Variants in GALC observed in about 807,000 individuals in gnomAD.
The protein encoded by GALC is galactosylceramidase.
GALC carries 77 observed loss-of-function variants against 91.8 expected under a neutral mutation model. The observed-to-expected ratio is 0.84, with a 90% confidence interval of 0.70 to 1.01. The LOEUF (loss-of-function observed/expected upper bound fraction) is 1.01, where lower values mean the gene tolerates loss of function less well. Ranked by LOEUF, GALC falls within the 50% of genes least tolerant of loss-of-function variation. The pLI is 0.00. For synonymous variants in GALC, 357 were observed against 306.7 expected, an observed-to-expected ratio of 1.16 and a Z score of -1.71; for missense variants, 882 against 855.9, an observed-to-expected ratio of 1.03 and a Z score of -0.38.
At chr14:87,953,199 G>T in intron 10 of GALC, 2 of 1,499,922 alleles carry the variant, frequency 1.3e-6, no homozygotes, top group Non-Finnish European at 1.8e-6. Flanking sequence ...ACCTTAAAAT[G>T]TCAACTGATA....
chr14:87,967,595 AG>A (rs1302115442), intron 8 of GALC, among the ~76,000 whole-genome samples: 1 of 152,214 alleles, frequency 6.6e-6, no homozygotes, highest in African/African-American at 2.4e-5. Flanking sequence ...AAAGCATTTA[AG>A]AAATGCTTCC....
intron 12 of GALC, 98 bp from the exon 13 acceptor site, chr14:87,947,976 A>C (rs1008633924): frequency 7.4e-6 from 8 of 1,076,900 alleles, no homozygotes; most frequent in African/African-American, 1.6e-5. Context: ...GAAAAGTCCA[A>C]ATCATTTCTG....
chr14:87,993,204 C>G (rs1046044800), upstream of GALC: 42 of 1,553,656 alleles, frequency 2.7e-5, no homozygotes, highest in South Asian at 7.1e-5. Flanking sequence ...GGAGGCGGGT[C>G]CCGTCGCCGC....
rs2139769072 is a variant in GALC at position 87,992,967 on chromosome 14, C to A, written c.195+3G>T. 4 of 1,515,800 alleles carry A rather than the reference C, an allele frequency of 2.6e-6. No individual in the cohort carries two copies. The highest frequency in any genetic ancestry group is 3.5e-6 in the Non-Finnish European group (4 of 1,140,842). The allele number at this position is 1,515,800 out of a possible 1,614,324, so 93.9% of individuals were successfully genotyped here. A position where few individuals can be genotyped will look rare whatever the true frequency, so the allele number is the denominator to read the frequency against. On this transcript the variant is annotated splice_donor_region_variant and intron_variant, in intron 1 of 16. Coordinates refer to ENST00000261304, the MANE Select transcript of GALC (RefSeq NM_000153.4). ...CCGCGTATCCCCGCAGCTTGCCGCT[C>A]ACCCCGCCGCCGCTGACCGCGCCGA... is the stretch of plus-strand genomic sequence containing the variant.
chr14:87,943,774 A>C (rs1032909566), intron 14 of GALC, among the ~76,000 whole-genome samples: 3 of 152,028 alleles, frequency 2.0e-5, no homozygotes, highest in Non-Finnish European at 1.5e-5. Context: ...GCAGCCAGAC[A>C]ACAGAAATGA....
In GALC at chr14:87,933,887, T is replaced by C; in HGVS notation, c.*845A>G. 1 of 1,045,340 alleles carries C rather than the reference T, an allele frequency of 9.6e-7. No homozygotes were observed. Among genetic ancestry groups the C allele is most frequent in the East Asian group, 2.6e-5 (1 of 38,822 alleles). 64.8% of individuals were successfully genotyped at this position (1,045,340 alleles called of 1,614,324 possible). On this transcript the variant is annotated 3_prime_UTR_variant, in exon 17 of 17. Coordinates refer to ENST00000261304, the MANE Select transcript of GALC (RefSeq NM_000153.4). Reference sequence around the variant, plus strand: ...GAGAGAAAAGCATTCATCAGCTGTGTGAGTCTGTTACCAGTGCACATGTGA... The same window carrying C: ...GAGAGAAAAGCATTCATCAGCTGTGCGAGTCTGTTACCAGTGCACATGTGA...
At chr14:87,943,887 C>T (rs1335450699) in intron 14 of GALC, among the ~76,000 whole-genome samples, 2 of 151,870 alleles carry the variant, frequency 1.3e-5, no homozygotes, top group Non-Finnish European at 2.9e-5. Context: ...TATAAAGGGT[C>T]TTGGAAATCA....
At chr14:87,941,959 AAG>A (rs1300866343) in intron 14 of GALC, among the ~76,000 whole-genome samples, 1 of 126,928 alleles carries the variant, frequency 7.9e-6, no homozygotes, top group African/African-American at 2.6e-5. Context: ...TCCATCAACA[AAG>A]AGAGGCAATG....
chr14:87,984,575 C>A, intron 4 of GALC, 42 bp from the exon 5 acceptor site: 1 of 1,611,134 alleles, frequency 6.2e-7, no homozygotes, highest in Admixed American at 1.7e-5. Context: ...GGAGGTATAA[C>A]GGTGCTGGCG....
chr14:87,988,391 G>C (rs1265131803), intron 2 of GALC, 64 bp downstream of exon 2: 3 of 1,317,236 alleles, frequency 2.3e-6, no homozygotes, highest in Admixed American at 1.7e-5. Context: ...AAATTCTATG[G>C]TGAAATTCAC....
At chr14:87,986,835 A>C in intron 3 of GALC, 2 of 545,472 alleles carry the variant, frequency 3.7e-6, no homozygotes, top group East Asian at 3.3e-5. Flanking sequence ...TAAAACCACA[A>C]CCTTCTATTA....
chr14:87,956,213 G>A (rs1885531694), intron 10 of GALC, among the ~76,000 whole-genome samples: 1 of 151,946 alleles, frequency 6.6e-6, no homozygotes, highest in Non-Finnish European at 1.5e-5. Context: ...GGTGACTGTG[G>A]ATATGCCCAA....
rs1453410436 is a variant in GALC, at chr14:87,992,737, G to A, written c.195+233C>T. ...CTGCACCTATACTCTCTGGACCTCCGGATCCTCATTTGTTCAAACCTAACT... is the reference window on the plus strand; with the variant it reads ...CTGCACCTATACTCTCTGGACCTCCAGATCCTCATTTGTTCAAACCTAACT... On this transcript the variant is annotated intron_variant, in intron 1 of 16. Transcript: ENST00000261304. 4.2e-6 allele frequency: 6 copies of A among 1,421,320 alleles called. No individual in the cohort carries two copies. In the African/African-American group the frequency reaches 8.7e-5, roughly 21 times the overall value. 88.0% of individuals were successfully genotyped at this position (1,421,320 alleles called of 1,614,324 possible).
chr14:87,986,294 T>G (rs55826746), intron 4 of GALC, among the ~76,000 whole-genome samples, 195 bp downstream of exon 4: 3 of 152,150 alleles, frequency 2.0e-5, no homozygotes, highest in Non-Finnish European at 2.9e-5. Context: ...TCCACAGGTA[T>G]TATAAGGATT....
intron 6 of GALC, among the ~76,000 whole-genome samples, chr14:87,981,845 CAA>C (rs201798875): frequency 0.01 from 1,524 of 151,868 alleles, 23 homozygotes; most frequent in African/African-American, 0.035. Flanking sequence ...TAAGTTTTGA[CAA>C]AAGACAAAGA....
chr14:87,987,975 T>C (rs1311042366), intron 3 of GALC, 169 bp downstream of exon 3: 9 of 616,740 alleles, frequency 1.5e-5, no homozygotes, highest in Admixed American at 2.8e-5. Context: ...TCATATTCTA[T>C]ATAATATTTT....
At chr14:87,953,330 A>G in intron 10 of GALC, 2 of 1,432,804 alleles carry the variant, frequency 1.4e-6, no homozygotes, top group Non-Finnish European at 2.0e-6. Context: ...AAGGCAAGTT[A>G]CGGGAAGATA....
intron 10 of GALC, among the ~76,000 whole-genome samples, 173 bp from the exon 11 acceptor site, chr14:87,950,921 T>C (rs1885280776): frequency 1.3e-5 from 2 of 151,750 alleles, no homozygotes. Flanking sequence ...TTACTGAATG[T>C]GTATTGTATG....
intron 10 of GALC, among the ~76,000 whole-genome samples, chr14:87,957,902 G>T (rs939413436): frequency 6.6e-6 from 1 of 152,098 alleles, no homozygotes. Context: ...TGGATTGGAA[G>T]AATCAATATT....
Sources: gnomAD v4.1 joint callset for allele counts (sites outside exome capture counted in the v4.1 genomes callset) on GRCh38, gnomAD v4.1.1 for gene constraint, MANE v1.5 for transcripts, NCBI Gene and HGNC (gene_info 2026-07-23, HGNC 2026-07-21) for gene names.